Variants in TGFBR3 observed in about 807,000 individuals in gnomAD.
The protein encoded by TGFBR3 is transforming growth factor beta receptor type 3.
In TGFBR3, 46 loss-of-function variants were observed where a neutral mutation model predicts 87.9. That is an observed-to-expected ratio of 0.52 (90% CI 0.41 to 0.67). The LOEUF (loss-of-function observed/expected upper bound fraction) is 0.67. TGFBR3 is among the 30% of genes least tolerant of loss of function. The pLI is 0.00. For synonymous variants in TGFBR3, 381 were observed against 391.6 expected, an observed-to-expected ratio of 0.97 and a Z score of 0.32; for missense variants, 866 against 1,041.9, an observed-to-expected ratio of 0.83 and a Z score of 2.32.
rs59188054 is a variant in TGFBR3, at chr1:91,682,404, C to CTTTTT, written c.*1330_*1334dup. ...AGCATGATAATTCCCCCCTGGCATT[C>CTTTTT]TTTTTTTTTTTTTTTTTTTTTAACA... On this transcript the variant is annotated 3_prime_UTR_variant, in exon 17 of 17. Transcript: ENST00000212355. 348 of 347,046 alleles carry CTTTTT rather than the reference C, an allele frequency of 1.0e-3. 3 individuals are homozygous for CTTTTT. Among genetic ancestry groups the CTTTTT allele is most frequent in the East Asian group, 2.6e-3 (33 of 12,464 alleles). The allele number at this position is 347,046 out of a possible 1,614,324, so 21.5% of individuals were successfully genotyped here.
chr1:91,707,100 T>C (rs1417089305), intron 14 of TGFBR3, among the ~76,000 whole-genome samples: 3 of 152,252 alleles, frequency 2.0e-5, no homozygotes, highest in African/African-American at 4.8e-5. Context: ...TAGTTGAGTA[T>C]TACAACTGAA....
At position 91,886,148 on chromosome 1, in the gene TGFBR3, G is replaced by C. The variant is rs947282172; in HGVS notation, c.-384C>G. 4.6e-5 allele frequency: 21 copies of C among 453,980 alleles called. No individual in the cohort carries two copies. Among genetic ancestry groups the C allele is most frequent in the Admixed American group, 2.1e-4 (9 of 42,552 alleles). 28.1% of individuals were successfully genotyped at this position (453,980 alleles called of 1,614,324 possible). On this transcript the variant is annotated 5_prime_UTR_variant, in exon 1 of 17. It adds an upstream start codon to the 5' untranslated region. Coordinates refer to ENST00000212355, the MANE Select transcript of TGFBR3 (RefSeq NM_003243.5). ...GCCGCTCGGCGTCCCCGAAACCCTCGATTACCCCCATCAGGCCGACCCGGC... is the reference window on the plus strand; with the variant it reads ...GCCGCTCGGCGTCCCCGAAACCCTCCATTACCCCCATCAGGCCGACCCGGC...
At chr1:91,683,993 G>A in intron 16 of TGFBR3, 136 bp from the exon 17 acceptor site, 4 of 722,638 alleles carry the variant, frequency 5.5e-6, no homozygotes, top group Non-Finnish European at 9.4e-6. Flanking sequence ...ACTAGACTAG[G>A]TCCTAGATGG....
rs184130141 is a variant in TGFBR3, at chr1:91,860,862, G to A, written c.61+609C>T. Among the ~76,000 whole-genome samples the A allele has an allele frequency of 1.3e-3, 191 of 141,972 alleles. 1 individual carries two copies. The highest frequency in any genetic ancestry group is 0.013 in the Admixed American group (174 of 13,524). 93.1% of individuals were successfully genotyped at this position (141,972 alleles called of 152,430 possible). A position where few individuals can be genotyped will look rare whatever the true frequency, so the allele number is the denominator to read the frequency against. ...CACGAGAATTGCTTGAACCCAAGAG[G>A]AGGAGGTTGCAGTGAGCCGAGATCA... is the stretch of plus-strand genomic sequence containing the variant. On this transcript the variant is annotated intron_variant, in intron 2 of 16. Coordinates refer to ENST00000212355, the MANE Select transcript of TGFBR3 (RefSeq NM_003243.5).
At chr1:91,719,289 G>T (rs759337047) in intron 10 of TGFBR3, 23 bp downstream of exon 10, 1 of 1,614,144 alleles carries the variant, frequency 6.2e-7, no homozygotes, top group East Asian at 2.2e-5. Flanking sequence ...AAAGGGCAAA[G>T]CTTTGTTCTG....
chr1:91,780,044 C>T (rs1674704809), intron 3 of TGFBR3, among the ~76,000 whole-genome samples: 1 of 152,114 alleles, frequency 6.6e-6, no homozygotes, highest in South Asian at 2.1e-4. Context: ...TCATCAAATC[C>T]CTGTCTTATA....
chr1:91,799,674 T>C (rs1675528289), intron 2 of TGFBR3, among the ~76,000 whole-genome samples: 1 of 152,190 alleles, frequency 6.6e-6, no homozygotes, highest in Admixed American at 6.5e-5. Context: ...AGTTCCATTC[T>C]TGTATGTGTG....
chr1:91,703,640 G>A (rs958225512), intron 14 of TGFBR3, among the ~76,000 whole-genome samples: 12 of 152,070 alleles, frequency 7.9e-5, no homozygotes, highest in South Asian at 4.2e-4. Context: ...AATCATCACC[G>A]ACGTGGTGTA....
chr1:91,831,200 G>A (rs778898381), intron 2 of TGFBR3, among the ~76,000 whole-genome samples: 1 of 151,928 alleles, frequency 6.6e-6, no homozygotes, highest in Non-Finnish European at 1.5e-5. Context: ...TGTCCTCAAG[G>A]TAGATCATTT....
chr1:91,708,728 A>G lies in TGFBR3; in HGVS notation c.2222T>C (p.Met741Thr). Reference sequence around the variant, plus strand: ...AGTGAACGTCTTCTTATTCTGCATCATGGCCCAGATTATCGAGGCGTCCAG... The same window carrying G: ...AGTGAACGTCTTCTTATTCTGCATCGTGGCCCAGATTATCGAGGCGTCCAG... The part of the protein sequence containing the change: ...TSLDASIIWA[M>T]MQNKKTFTKP... The change falls in exon 14 of 17, where the codon ATG becomes ACG. Residue 741 changes from methionine to threonine, a missense_variant. Physicochemically the swap from Met to Thr is moderately conservative, Grantham distance 81. Coordinates refer to ENST00000212355, the MANE Select transcript of TGFBR3 (RefSeq NM_003243.5). 7.4e-6 allele frequency: 12 copies of G among 1,614,080 alleles called. No individual in the cohort carries two copies. The highest frequency in any genetic ancestry group is 1.0e-5 in the Non-Finnish European group (12 of 1,179,982).
intron 2 of TGFBR3, among the ~76,000 whole-genome samples, chr1:91,893,114 T>C (rs899969733): frequency 1.3e-5 from 2 of 152,232 alleles, no homozygotes; most frequent in South Asian, 2.1e-4. Flanking sequence ...TACCCTTTAT[T>C]GAGCACTTAT....
At chr1:91,708,635 T>G in intron 14 of TGFBR3, 28 bp downstream of exon 14, 1 of 1,613,848 alleles carries the variant, frequency 6.2e-7, no homozygotes, top group African/African-American at 1.3e-5. Flanking sequence ...TCAGGCCCCA[T>G]GCTCTGATCG....
intron 2 of TGFBR3, among the ~76,000 whole-genome samples, chr1:91,806,471 C>G (rs1288786074): frequency 6.7e-6 from 1 of 148,698 alleles, no homozygotes; most frequent in African/African-American, 2.5e-5. Flanking sequence ...GACAAAAATA[C>G]TGGCGGGGGG....
At chr1:91,905,424 CTTTTTG>C (rs902717464) in intron 1 of TGFBR3, among the ~76,000 whole-genome samples, 2 of 152,030 alleles carry the variant, frequency 1.3e-5, no homozygotes, top group Non-Finnish European at 1.5e-5. Context: ...TGACCAGTTA[CTTTTTG>C]TTTTTGTTTT....
upstream of TGFBR3, among the ~76,000 whole-genome samples, chr1:91,888,350 G>C (rs779148179): frequency 3.3e-5 from 5 of 152,310 alleles, no homozygotes; most frequent in Non-Finnish European, 7.3e-5. Context: ...TTGTTAACAA[G>C]TTTTAGTTTC....
At chr1:91,764,649 G>A (rs570601961) in intron 3 of TGFBR3, among the ~76,000 whole-genome samples, 233 of 152,276 alleles carry the variant, frequency 1.5e-3, no homozygotes, top group African/African-American at 5.5e-3. Context: ...CGCTGCTAGT[G>A]CCCTCAGCAG....
chr1:91,792,739 C>T (rs1468432290), intron 3 of TGFBR3, among the ~76,000 whole-genome samples: 5 of 152,100 alleles, frequency 3.3e-5, no homozygotes, highest in Non-Finnish European at 2.9e-5. Flanking sequence ...CACAAGGGGG[C>T]GGCTGCATTT....
At chr1:91,903,338 CAAAAAAAAAA>C (rs58672104) in intron 1 of TGFBR3, among the ~76,000 whole-genome samples, 16 of 50,508 alleles carry the variant, frequency 3.2e-4, no homozygotes, top group South Asian at 3.7e-3. Context: ...GATTCTGCCT[CAAAAAAAAAA>C]AAAAAAAAAA....
intron 2 of TGFBR3, among the ~76,000 whole-genome samples, chr1:91,896,427 A>T (rs892823459): frequency 1.3e-5 from 2 of 152,196 alleles, no homozygotes; most frequent in Non-Finnish European, 2.9e-5. Flanking sequence ...TATGCAGCTC[A>T]GGACTTGGGA....
Sources: allele counts gnomAD v4.1 joint callset (sites outside exome capture counted in the v4.1 genomes callset), GRCh38; gene constraint gnomAD v4.1.1; transcripts MANE v1.5; gene names NCBI Gene and HGNC (gene_info 2026-07-23, HGNC 2026-07-21).